FRMD4A: variants seen among roughly 807,000 people sequenced by gnomAD.
FRMD4A encodes the protein FERM domain containing 4A, also known as FERM domain-containing protein 4A.
FRMD4A carries 29 observed loss-of-function variants against 129.1 expected under a neutral mutation model. The observed-to-expected ratio is 0.22, with a 90% CI of 0.17 to 0.31. FRMD4A has a LOEUF of 0.31. Among genes scored for constraint, FRMD4A ranks in the 10% least tolerant of loss-of-function variants. The pLI, the probability that FRMD4A is intolerant of heterozygous loss-of-function variation, is 1.00. For missense variants in FRMD4A, 1,272 were observed against 1,375.8 expected (o/e 0.92, Z 1.19); for synonymous variants, 634 against 571.6 (o/e 1.11, Z -1.56).
intron 5 of FRMD4A, among the ~76,000 whole-genome samples, chr10:13,789,702 G>A (rs1475442905): frequency 6.7e-6 from 1 of 150,314 alleles, no homozygotes; most frequent in Non-Finnish European, 1.5e-5. Flanking sequence ...AAGCCTTATA[G>A]CACTAAACAA....
chr10:14,067,559 T>G (rs1384735406), intron 2 of FRMD4A, among the ~76,000 whole-genome samples: 3 of 150,512 alleles, frequency 2.0e-5, no homozygotes, highest in East Asian at 2.0e-4. Flanking sequence ...TGGCTCACAC[T>G]TGTAATCCCA....
At chr10:13,862,933 G>A (rs890197712) in intron 2 of FRMD4A, among the ~76,000 whole-genome samples, 4 of 102,658 alleles carry the variant, frequency 3.9e-5, no homozygotes, top group African/African-American at 1.4e-4. Context: ...GTTTTGTTCT[G>A]TTTTGTTTTT....
At chr10:13,937,449 C>A (rs561278596) in intron 2 of FRMD4A, among the ~76,000 whole-genome samples, 84 of 152,346 alleles carry the variant, frequency 5.5e-4, no homozygotes, top group Admixed American at 2.0e-3. Flanking sequence ...AACGCCCAGC[C>A]TTTAAATGTT....
intron 2 of FRMD4A, chr10:14,003,623 T>A (rs900962859): frequency 2.6e-5 from 4 of 152,172 alleles, no homozygotes; most frequent in Admixed American, 6.5e-5. Context: ...GGCGGGCATC[T>A]CAGGGTGTGA....
intron 2 of FRMD4A, among the ~76,000 whole-genome samples, chr10:13,997,680 T>C (rs530311923): frequency 4.6e-5 from 7 of 151,268 alleles, no homozygotes; most frequent in African/African-American, 1.5e-4. Flanking sequence ...TGGATTGCAG[T>C]GATGTAATCT....
chr10:13,937,917 T>C (rs2095261398), intron 2 of FRMD4A, among the ~76,000 whole-genome samples: 1 of 152,228 alleles, frequency 6.6e-6, no homozygotes, highest in South Asian at 2.1e-4. Flanking sequence ...CTATGCCTAG[T>C]TCCTCAGTTA....
Position 14,104,135 on chromosome 10 carries a change from A to G in FRMD4A, c.45+225923T>C, listed in dbSNP as rs144495391. Among the ~76,000 whole-genome samples the G allele has an allele frequency of 8.1e-3, 1,226 of 151,642 alleles. 9 individuals are homozygous for G. The highest frequency in any genetic ancestry group is 0.024 in the South Asian group (113 of 4,772). On this transcript the variant is annotated intron_variant, in intron 2 of 24. Transcript: ENST00000357447. ...CATCGCCATCAAGGTCTACACTGCC[A>G]TTGAGGTTACGCTGCCATTGAGGTC...
intron 2 of FRMD4A, among the ~76,000 whole-genome samples, chr10:14,180,343 T>C (rs140974875): frequency 1.3e-5 from 2 of 152,360 alleles, no homozygotes; most frequent in African/African-American, 4.8e-5. Flanking sequence ...CATTTTGTTA[T>C]CCATGCAATT....
rs534574084 is a variant in FRMD4A at position 13,854,741 on chromosome 10, C to CT, written c.111+4105dup. Among the ~76,000 whole-genome samples, 284 of 152,136 alleles carry CT rather than the reference C, an allele frequency of 1.9e-3. 7 individuals are homozygous for CT. The highest frequency in any genetic ancestry group is 3.5e-4 in the Non-Finnish European group (24 of 67,996). ...GCCACTGCATCCGGCCTGATAAAGG[C>CT]TTTTTTTAAAGTACATTTCCAACTG... On this transcript the variant is annotated intron_variant, in intron 3 of 24. Coordinates refer to ENST00000357447, the MANE Select transcript of FRMD4A (RefSeq NM_018027.5).
chr10:13,987,240 C>T (rs1259033205), intron 2 of FRMD4A, among the ~76,000 whole-genome samples: 1 of 152,076 alleles, frequency 6.6e-6, no homozygotes, highest in South Asian at 2.1e-4. Context: ...GGATAGAAAC[C>T]CCAGCAGAGC....
At chr10:14,045,413 C>T (rs533105157) in intron 2 of FRMD4A, among the ~76,000 whole-genome samples, 10 of 152,178 alleles carry the variant, frequency 6.6e-5, no homozygotes, top group Admixed American at 4.6e-4. Context: ...TGTGGGTACT[C>T]GCTCTCTTAA....
intron 2 of FRMD4A, among the ~76,000 whole-genome samples, chr10:14,269,451 C>T (rs1845085961): frequency 1.3e-5 from 2 of 152,176 alleles, no homozygotes; most frequent in Admixed American, 1.3e-4. Flanking sequence ...CTAAAAAGAA[C>T]CCATTTCCTT....
At chr10:13,810,451 A>G (rs1424167275) in intron 4 of FRMD4A, among the ~76,000 whole-genome samples, 1 of 152,200 alleles carries the variant, frequency 6.6e-6, no homozygotes, top group African/African-American at 2.4e-5. Flanking sequence ...TGTTATTGTT[A>G]TCCCAACAGT....
At chr10:13,647,528 T>G (rs1589169962) in intron 24 of FRMD4A, 1 of 152,274 alleles carries the variant, frequency 6.6e-6, no homozygotes, top group East Asian at 1.9e-4. Context: ...CAGATGTCAC[T>G]AGGAAATTTT....
In FRMD4A at chr10:14,247,171, A is replaced by T. The variant is rs138274615; in HGVS notation, c.45+82887T>A. On this transcript the variant is annotated intron_variant, in intron 2 of 24. Transcript: ENST00000357447. ...CGATCCCCGCTGGCCACACAGGGAG[A>T]CTAGTGACCCAAAGACCAGTGGGAG... 5.1e-3 allele frequency among the ~76,000 whole-genome samples: 779 copies of T among 152,188 alleles called. 6 individuals are homozygous for T. Among genetic ancestry groups the T allele is most frequent in the Admixed American group, 0.018 (275 of 15,274 alleles).
intron 12 of FRMD4A, among the ~76,000 whole-genome samples, chr10:13,723,581 G>A (rs1342884651): frequency 6.6e-6 from 1 of 152,222 alleles, no homozygotes; most frequent in East Asian, 1.9e-4. Context: ...TATGATGGTA[G>A]ATTGTATGTT....
chr10:14,057,827 C>T (rs904649904), intron 2 of FRMD4A, among the ~76,000 whole-genome samples: 1 of 152,212 alleles, frequency 6.6e-6, no homozygotes, highest in Admixed American at 6.5e-5. Flanking sequence ...ATCTTGGCCT[C>T]ACAAAGTGCT....
chr10:13,769,060 G>A (rs1018046225), intron 6 of FRMD4A, among the ~76,000 whole-genome samples: 6 of 146,904 alleles, frequency 4.1e-5, no homozygotes, highest in East Asian at 2.0e-4. Flanking sequence ...GCGCGATTTC[G>A]GCTCACTGCA....
At chr10:14,174,344 G>A (rs535963682) in intron 2 of FRMD4A, among the ~76,000 whole-genome samples, 1 of 152,124 alleles carries the variant, frequency 6.6e-6, no homozygotes, top group African/African-American at 2.4e-5. Context: ...ACAGCTCTCT[G>A]TGTACCCTGC....
Sources: allele counts gnomAD v4.1 joint callset (sites outside exome capture counted in the v4.1 genomes callset), GRCh38; gene constraint gnomAD v4.1.1; transcripts MANE v1.5; gene names NCBI Gene and HGNC (gene_info 2026-07-23, HGNC 2026-07-21).